SLC39A11: variants seen among roughly 807,000 people sequenced by gnomAD.
SLC39A11 encodes the protein zinc transporter ZIP11.
A neutral mutation model predicts 36.1 loss-of-function variants in SLC39A11; 33 were observed. The ratio of observed to expected loss-of-function variants is 0.91; its 90% confidence interval spans 0.69 to 1.22. SLC39A11 has a LOEUF of 1.22. Ranked by LOEUF, SLC39A11 falls within the 50% of genes most tolerant of loss-of-function variation. The probability of loss-of-function intolerance (pLI) is 0.00; values close to 1 mark genes in which losing one functional copy is unlikely to be tolerated. For missense variants in SLC39A11, 432 were observed against 430.3 expected, an observed-to-expected ratio of 1.00 and a Z score of -0.03; for synonymous variants, 166 against 170.3, an observed-to-expected ratio of 0.97 and a Z score of 0.20.
chr17:72,880,486 A>G (rs1021347153), intron 5 of SLC39A11, among the ~76,000 whole-genome samples: 13 of 152,092 alleles, frequency 8.5e-5, no homozygotes, highest in Non-Finnish European at 1.9e-4. Flanking sequence ...GTGTGAGGAT[A>G]ACTTGAGCTC....
intron 6 of SLC39A11, among the ~76,000 whole-genome samples, chr17:72,785,391 G>GAATCACTGACAA (rs112764324): frequency 0.11 from 16,566 of 152,222 alleles, 1,848 homozygotes; most frequent in African/African-American, 0.29. Flanking sequence ...AGAGTCGGGA[G>GAATCACTGACAA]AATTTCAAAG....
At chr17:72,882,798 T>TTTTTTTTTTTCTTTTTC (rs1555614348) in intron 5 of SLC39A11, among the ~76,000 whole-genome samples, 12 of 125,650 alleles carry the variant, frequency 9.6e-5, no homozygotes, top group East Asian at 4.4e-4. Context: ...AGAATGCTTC[T>TTTTTTTTTTTCTTTTTC]TTTTTTTTTT....
At chr17:72,851,099 C>G (rs7359624) in intron 5 of SLC39A11, among the ~76,000 whole-genome samples, 78,055 of 151,822 alleles carry the variant, frequency 0.51, 20,675 homozygotes, top group Middle Eastern at 0.58. Flanking sequence ...TGCAGCTAGA[C>G]AGGAGAGAGA....
intron 7 of SLC39A11, among the ~76,000 whole-genome samples, chr17:72,657,999 G>A (rs1030187456): frequency 6.6e-6 from 1 of 152,202 alleles, no homozygotes; most frequent in Non-Finnish European, 1.5e-5. Flanking sequence ...AACTGGGCAG[G>A]CACGGCAGAA....
In SLC39A11 at chr17:72,722,035, A is replaced by C. The variant is rs751884576; in HGVS notation, c.671+14615T>G. ...AATTAAAAAATTATTTTTCTCTCGGATATTATTCTGTCCCAGGGCCCCCAT... is the reference window on the plus strand; with the variant it reads ...AATTAAAAAATTATTTTTCTCTCGGCTATTATTCTGTCCCAGGGCCCCCAT... On this transcript the variant is annotated intron_variant, in intron 7 of 9. Coordinates refer to ENST00000255559, the MANE Select transcript of SLC39A11 (RefSeq NM_139177.4). Among the ~76,000 whole-genome samples the C allele has an allele frequency of 9.4e-4, 142 of 150,700 alleles. 2 individuals carry two copies. Among genetic ancestry groups the C allele is most frequent in the Non-Finnish European group, 9.0e-4 (61 of 67,852 alleles).
At chr17:72,922,960 C>CAAAAAA (rs10645750) in intron 5 of SLC39A11, among the ~76,000 whole-genome samples, 159 of 44,038 alleles carry the variant, frequency 3.6e-3, no homozygotes, top group African/African-American at 4.4e-3. Flanking sequence ...GACTCCTTCT[C>CAAAAAA]AAAAAAAAAA....
At chr17:72,676,874 C>T (rs911749359) in intron 7 of SLC39A11, among the ~76,000 whole-genome samples, 2 of 152,156 alleles carry the variant, frequency 1.3e-5, no homozygotes, top group Admixed American at 6.5e-5. Context: ...GTGCGTGTGC[C>T]GTCCCACCTC....
intron 6 of SLC39A11, among the ~76,000 whole-genome samples, chr17:72,774,604 C>A (rs979022899): frequency 5.9e-5 from 9 of 152,176 alleles, no homozygotes; most frequent in African/African-American, 2.2e-4. Flanking sequence ...TGAAGTCATG[C>A]CTGGAGGGGG....
chr17:73,042,025 A>C (rs1392127086), intron 3 of SLC39A11, among the ~76,000 whole-genome samples: 4 of 152,138 alleles, frequency 2.6e-5, no homozygotes, highest in Non-Finnish European at 4.4e-5. Context: ...AAAAAAAATC[A>C]ACTTAACACC....
At chr17:73,004,191 GAA>G (rs1306618948) in intron 4 of SLC39A11, among the ~76,000 whole-genome samples, 1 of 94,786 alleles carries the variant, frequency 1.1e-5, no homozygotes, top group African/African-American at 4.5e-5. Flanking sequence ...AAGAAAGAAA[GAA>G]AGAAAGAAAG....
At chr17:72,904,094 GC>G (rs1367709417) in intron 5 of SLC39A11, among the ~76,000 whole-genome samples, 5 of 152,174 alleles carry the variant, frequency 3.3e-5, no homozygotes, top group African/African-American at 1.2e-4. Flanking sequence ...GCTAGGGAGG[GC>G]AGATGACACA....
At chr17:73,060,210 C>CAAAAAAAAAAAAAAAAAAAAAACAAAAAA (rs33931672) in intron 3 of SLC39A11, among the ~76,000 whole-genome samples, 1 of 70,352 alleles carries the variant, frequency 1.4e-5, no homozygotes, top group Non-Finnish European at 2.6e-5. Context: ...AACTCCATCT[C>CAAAAAAAAAAAAAAAAAAAAAACAAAAAA]AAAAAAAAAA....
rs1294098260 is a variant in SLC39A11 at position 72,900,138 on chromosome 17, GAA to G, written c.430+47612_430+47613del. 9.8e-4 allele frequency among the ~76,000 whole-genome samples: 69 copies of G among 70,434 alleles called. 12 individuals carry two copies. Among genetic ancestry groups the G allele is most frequent in the African/African-American group, 7.5e-3 (62 of 8,270 alleles). The allele number at this position is 70,434 out of a possible 152,430, so 46.2% of individuals were successfully genotyped here. A position where few individuals can be genotyped will look rare whatever the true frequency, so the allele number is the denominator to read the frequency against. On this transcript the variant is annotated intron_variant, in intron 5 of 9. Transcript: ENST00000255559. ...GAAAGAAAGAAAAGAAAGAAAGAAA[GAA>G]AAAGAAAGAAAGAAAAGAAAGAAAG... is the stretch of plus-strand genomic sequence containing the variant.
At chr17:72,954,026 T>G (rs1532281) in intron 4 of SLC39A11, among the ~76,000 whole-genome samples, 1 of 151,968 alleles carries the variant, frequency 6.6e-6, no homozygotes, top group African/African-American at 2.4e-5. Flanking sequence ...TGAAGGGCAG[T>G]CTCTTCGTTT....
chr17:73,008,890 C>CAAAAA (rs200771104), intron 4 of SLC39A11, among the ~76,000 whole-genome samples: 1 of 148,666 alleles, frequency 6.7e-6, no homozygotes, highest in African/African-American at 2.5e-5. Context: ...GCTGTCACTA[C>CAAAAA]AAAAAAAAAT....
At chr17:72,935,246 AG>A (rs2084672672) in intron 5 of SLC39A11, among the ~76,000 whole-genome samples, 2 of 152,248 alleles carry the variant, frequency 1.3e-5, no homozygotes, top group Non-Finnish European at 2.9e-5. Context: ...CATGACGCCA[AG>A]TAGAAAGAAG....
At chr17:72,949,369 C>T (rs1568005566) in intron 4 of SLC39A11, among the ~76,000 whole-genome samples, 1 of 151,700 alleles carries the variant, frequency 6.6e-6, no homozygotes, top group Admixed American at 6.6e-5. Context: ...CCATGTTGGC[C>T]AGGCTGGTCT....
At chr17:72,861,743 T>C (rs1297160186) in intron 5 of SLC39A11, among the ~76,000 whole-genome samples, 1 of 2,344 alleles carries the variant, frequency 4.3e-4, no homozygotes, top group Non-Finnish European at 7.5e-4. Flanking sequence ...TTGGAGATTA[T>C]ATATATATAT....
At chr17:72,832,547 A>C (rs2567480) in intron 6 of SLC39A11, among the ~76,000 whole-genome samples, 86,852 of 152,054 alleles carry the variant, frequency 0.57, 25,351 homozygotes, top group Middle Eastern at 0.67. Flanking sequence ...CAATTACCAC[A>C]CTGAAAAGTG....
Sources: allele counts gnomAD v4.1 joint callset (sites outside exome capture counted in the v4.1 genomes callset), GRCh38; gene constraint gnomAD v4.1.1; transcripts MANE v1.5; gene names NCBI Gene and HGNC (gene_info 2026-07-23, HGNC 2026-07-21).